The following PPIP5K2 variants were observed in gnomAD, a reference collection of about 807,000 sequenced individuals.
The protein encoded by PPIP5K2 is diphosphoinositol pentakisphosphate kinase 2, also known as inositol hexakisphosphate and diphosphoinositol-pentakisphosphate kinase 2.
In PPIP5K2, 105 loss-of-function variants were observed where a neutral mutation model predicts 154.6. That is an observed-to-expected ratio of 0.68 (90% CI 0.58 to 0.80). The LOEUF is 0.80. Ranked by LOEUF, PPIP5K2 falls within the 30% of genes least tolerant of loss-of-function variation. PPIP5K2 has a pLI of 0.00. For synonymous variants in PPIP5K2, 480 were observed against 490.3 expected (o/e 0.98, Z 0.28); for missense variants, 992 against 1,504.6 (o/e 0.66, Z 5.64).
intron 25 of PPIP5K2, 53 bp from the exon 26 acceptor site, chr5:103,184,619 C>A: frequency 7.2e-7 from 1 of 1,392,864 alleles, no homozygotes; most frequent in Non-Finnish European, 1.0e-6. Context: ...GAAGTATAGA[C>A]TTATGAATTT....
intron 1 of PPIP5K2, among the ~76,000 whole-genome samples, chr5:103,127,389 A>C (rs782311352): frequency 6.6e-6 from 1 of 152,196 alleles, no homozygotes; most frequent in Non-Finnish European, 1.5e-5. Flanking sequence ...GAAAATGTCA[A>C]TTTATTTGGC....
At chr5:103,156,204 A>G (rs574646452) in intron 14 of PPIP5K2, among the ~76,000 whole-genome samples, 1 of 152,188 alleles carries the variant, frequency 6.6e-6, no homozygotes, top group Non-Finnish European at 1.5e-5. Context: ...GATAGATTTT[A>G]TTGTTCTGAA....
intron 17 of PPIP5K2, among the ~76,000 whole-genome samples, chr5:103,160,488 T>A (rs1796054795): frequency 1.3e-5 from 2 of 152,214 alleles, no homozygotes; most frequent in East Asian, 3.8e-4. Context: ...TCATAGTTAG[T>A]TAATAATCAT....
chr5:103,137,961 A>G (rs1287459561), intron 4 of PPIP5K2, among the ~76,000 whole-genome samples: 2 of 152,184 alleles, frequency 1.3e-5, no homozygotes, highest in African/African-American at 2.4e-5. Flanking sequence ...TACATACATA[A>G]CAATCACATT....
In PPIP5K2 at chr5:103,160,249, G is replaced by A. The variant is rs1251875707; in HGVS notation, c.1920+921G>A. On this transcript the variant is annotated intron_variant, in intron 17 of 30. Coordinates refer to ENST00000358359, the MANE Select transcript of PPIP5K2 (RefSeq NM_001276277.3). ...AAAATGGGAATGCAAATATCTCCTT[G>A]ATATACGATTTCATTTCCTTTAGCT... is the stretch of plus-strand genomic sequence containing the variant. 3.9e-5 allele frequency among the ~76,000 whole-genome samples: 6 copies of A among 152,202 alleles called. No homozygotes were observed. In the East Asian group the frequency reaches 1.2e-3, roughly 29 times the overall value.
At chr5:103,186,049 A>G (rs1800320933) in intron 26 of PPIP5K2, among the ~76,000 whole-genome samples, 3 of 151,514 alleles carry the variant, frequency 2.0e-5, no homozygotes. Flanking sequence ...ATGTCTAATT[A>G]TTATATGGAC....
chr5:103,141,013 A>G (rs1792517458), intron 5 of PPIP5K2, among the ~76,000 whole-genome samples: 2 of 152,132 alleles, frequency 1.3e-5, no homozygotes, highest in Non-Finnish European at 2.9e-5. Context: ...GAGTTCATCA[A>G]TCTGATAGAA....
rs911227691 is a variant in PPIP5K2 at position 103,212,495 on chromosome 5, T to C, written c.*10861T>C. 6.6e-6 allele frequency: 1 copy of C among 152,148 alleles called. No homozygotes were observed. Among genetic ancestry groups the C allele is most frequent in the Non-Finnish European group, 1.5e-5 (1 of 67,980 alleles). The allele number at this position is 152,148 out of a possible 1,614,324, so 9.4% of individuals were successfully genotyped here. A position where few individuals can be genotyped will look rare whatever the true frequency, so the allele number is the denominator to read the frequency against. On this transcript the variant is annotated 3_prime_UTR_variant, in exon 31 of 31. Coordinates refer to ENST00000358359, the MANE Select transcript of PPIP5K2 (RefSeq NM_001276277.3). ...TTTAAAAGCAAAGTTAGGCATTCAATGATGACTTCATAAATGTGCCTGGGC... is the reference window on the plus strand; with the variant it reads ...TTTAAAAGCAAAGTTAGGCATTCAACGATGACTTCATAAATGTGCCTGGGC...
At chr5:103,133,351 A>G (rs1259485309) in intron 2 of PPIP5K2, 102 bp from the exon 3 acceptor site, 1 of 822,700 alleles carries the variant, frequency 1.2e-6, no homozygotes, top group Non-Finnish European at 1.8e-6. Flanking sequence ...ACTTTTATTT[A>G]TTAATCACAT....
At chr5:103,134,550 G>T (rs142257939) in intron 3 of PPIP5K2, among the ~76,000 whole-genome samples, 2 of 152,274 alleles carry the variant, frequency 1.3e-5, no homozygotes, top group East Asian at 3.9e-4. Flanking sequence ...TCAAGACACT[G>T]ATCTTCAAAG....
chr5:103,149,328 A>G lies in PPIP5K2; in HGVS notation c.906+15A>G. ...TTGCTTTTAAGGTAAGATGTTATAC[A>G]GGCCTATAGATCCTTATAAAGGTAA... On this transcript the variant is annotated intron_variant, in intron 8 of 30. Transcript: ENST00000358359. 6.2e-7 allele frequency: 1 copy of G among 1,600,912 alleles called. No homozygotes were observed. The highest frequency in any genetic ancestry group is 8.5e-7 in the Non-Finnish European group (1 of 1,173,780).
At chr5:103,189,601 T>C (rs529784109) in intron 28 of PPIP5K2, among the ~76,000 whole-genome samples, 3 of 152,226 alleles carry the variant, frequency 2.0e-5, no homozygotes, top group East Asian at 1.9e-4. Context: ...AGTATAGTTT[T>C]GTTTTTGTTT....
chr5:103,123,913 C>T lies in PPIP5K2; in HGVS notation c.-285+3425C>T, dbSNP rs782301489. ...AGTGCTATATGTATAAACTGTACTT[C>T]GTTCAAGTATCAGCGCTTTAAGTGA... On this transcript the variant is annotated intron_variant, in intron 1 of 30. Coordinates refer to ENST00000358359, the MANE Select transcript of PPIP5K2 (RefSeq NM_001276277.3). Among the ~76,000 whole-genome samples, 11 of 152,272 alleles carry T rather than the reference C, an allele frequency of 7.2e-5. No individual in the cohort carries two copies. In the East Asian group the frequency reaches 9.6e-4, roughly 13 times the overall value.
intron 19 of PPIP5K2, among the ~76,000 whole-genome samples, chr5:103,171,705 A>G (rs1413538392): frequency 1.3e-5 from 2 of 151,616 alleles, no homozygotes; most frequent in Non-Finnish European, 3.0e-5. Flanking sequence ...AAAGAAAAAC[A>G]TATCAATGTT....
At chr5:103,127,610 A>G (rs1431409486) in intron 1 of PPIP5K2, among the ~76,000 whole-genome samples, 20 of 152,160 alleles carry the variant, frequency 1.3e-4, no homozygotes, top group African/African-American at 4.8e-4. Flanking sequence ...TGTTCATGGA[A>G]ACTATGGTTT....
intron 19 of PPIP5K2, among the ~76,000 whole-genome samples, chr5:103,169,113 G>A (rs1797561537): frequency 1.3e-5 from 2 of 151,724 alleles, no homozygotes; most frequent in Admixed American, 6.6e-5. Context: ...TAAAAATAAA[G>A]GTGTAACAAG....
At chr5:103,178,180 T>A (rs1798993540) in intron 23 of PPIP5K2, among the ~76,000 whole-genome samples, 200 bp downstream of exon 23, 1 of 152,052 alleles carries the variant, frequency 6.6e-6, no homozygotes. Context: ...TTATCTTTTG[T>A]TTAGATTGTT....
chr5:103,201,096 G>T (rs528105523), intron 30 of PPIP5K2, among the ~76,000 whole-genome samples: 3 of 152,202 alleles, frequency 2.0e-5, no homozygotes, highest in Non-Finnish European at 4.4e-5. Flanking sequence ...TAGAGAAAAT[G>T]ATGAGTTCAG....
intron 29 of PPIP5K2, chr5:103,191,190 C>CAA: frequency 1.7e-5 from 6 of 355,164 alleles, no homozygotes; most frequent in Admixed American, 9.8e-5. Context: ...TTCTTCTTAC[C>CAA]AAAAAAAAAC....
Sources: allele counts gnomAD v4.1 joint callset (sites outside exome capture counted in the v4.1 genomes callset), GRCh38; gene constraint gnomAD v4.1.1; transcripts MANE v1.5; gene names NCBI Gene and HGNC (gene_info 2026-07-23, HGNC 2026-07-21).